Variants in GRAMD1B observed in about 807,000 individuals in gnomAD.
GRAMD1B encodes GRAM domain containing 1B.
In GRAMD1B, 37 loss-of-function variants were observed where a neutral mutation model predicts 99.7. That is an observed-to-expected ratio of 0.37 (90% confidence interval 0.29 to 0.49). The LOEUF is 0.49. Ranked by LOEUF, GRAMD1B falls within the 20% of genes least tolerant of loss-of-function variation. GRAMD1B has a pLI of 0.98. For synonymous variants in GRAMD1B, 427 were observed against 387.6 expected, an observed-to-expected ratio of 1.10 and a Z score of -1.19; for missense variants, 888 against 1,009.2, an observed-to-expected ratio of 0.88 and a Z score of 1.63.
chr11:123,444,583 G>A (rs935168259), intron 1 of GRAMD1B, among the ~76,000 whole-genome samples: 2 of 152,088 alleles, frequency 1.3e-5, no homozygotes, highest in Non-Finnish European at 2.9e-5. Context: ...TCCATGGCCC[G>A]AATTAGTTTT....
chr11:123,403,840 G>A (rs972386467), intron 1 of GRAMD1B, among the ~76,000 whole-genome samples: 4 of 152,026 alleles, frequency 2.6e-5, no homozygotes, highest in African/African-American at 4.8e-5. Flanking sequence ...CACCGCGCCC[G>A]GCCTGCTTGT....
At chr11:123,619,303 C>G in intron 19 of GRAMD1B, 79 bp downstream of exon 19, 1 of 1,536,130 alleles carries the variant, frequency 6.5e-7, no homozygotes, top group Non-Finnish European at 8.7e-7. Context: ...GAAAGATCCT[C>G]GTCTCTATCA....
chr11:123,545,147 G>A (rs541675680), intron 2 of GRAMD1B, among the ~76,000 whole-genome samples: 7 of 152,312 alleles, frequency 4.6e-5, no homozygotes, highest in Admixed American at 3.9e-4. Context: ...AGCCGCCCCG[G>A]TGCGAGAAAG....
chr11:123,384,652 A>G (rs1946997232), intron 1 of GRAMD1B, among the ~76,000 whole-genome samples: 1 of 152,228 alleles, frequency 6.6e-6, no homozygotes, highest in Non-Finnish European at 1.5e-5. Context: ...AGTGCTTGAT[A>G]TAAAGTGTTA....
intron 4 of GRAMD1B, among the ~76,000 whole-genome samples, chr11:123,592,159 CTG>C (rs1272312369): frequency 4.6e-5 from 7 of 152,288 alleles, no homozygotes; most frequent in Admixed American, 3.3e-4. Context: ...CAGGCTGACA[CTG>C]GAACTCTGTA....
chr11:123,445,388 C>T (rs1306761792), intron 1 of GRAMD1B, among the ~76,000 whole-genome samples: 1 of 152,152 alleles, frequency 6.6e-6, no homozygotes, highest in Non-Finnish European at 1.5e-5. Context: ...GGAATGGCAA[C>T]CGTAAAGGTC....
At chr11:123,549,820 C>A (rs1945438541) in intron 2 of GRAMD1B, among the ~76,000 whole-genome samples, 1 of 152,124 alleles carries the variant, frequency 6.6e-6, no homozygotes, top group East Asian at 1.9e-4. Context: ...TATATTGCAT[C>A]CCTAACCAGG....
At chr11:123,498,740 G>A (rs1383383288) in intron 2 of GRAMD1B, among the ~76,000 whole-genome samples, 2 of 152,076 alleles carry the variant, frequency 1.3e-5, no homozygotes, top group East Asian at 1.9e-4. Context: ...GCCTTTTAAC[G>A]TGGTTCAGAG....
rs553148740 is a variant in GRAMD1B, at chr11:123,626,347, T to A, written c.*3752T>A. 4.6e-5 allele frequency: 7 copies of A among 152,300 alleles called. No individual in the cohort carries two copies. In the East Asian group the frequency reaches 1.2e-3, roughly 25 times the overall value. 9.4% of individuals were successfully genotyped at this position (152,300 alleles called of 1,614,324 possible). A position where few individuals can be genotyped will look rare whatever the true frequency, so the allele number is the denominator to read the frequency against. ...CTCAAGAGGAATGCTTTGTGAGAAG[T>A]GGATTCTCTCCGTGTCCCTGCCCCC... On this transcript the variant is annotated 3_prime_UTR_variant, in exon 20 of 20. Transcript: ENST00000635736.
intron 2 of GRAMD1B, among the ~76,000 whole-genome samples, chr11:123,546,007 G>A (rs1945011252): frequency 6.6e-6 from 1 of 152,262 alleles, no homozygotes; most frequent in Admixed American, 6.5e-5. Context: ...TCCACCACCA[G>A]GCAATGTGGA....
chr11:123,374,449 A>C (rs1222106992), intron 1 of GRAMD1B, among the ~76,000 whole-genome samples: 1 of 152,222 alleles, frequency 6.6e-6, no homozygotes, highest in Non-Finnish European at 1.5e-5. Context: ...GGTATCATTA[A>C]GGTCCAGAGA....
intron 9 of GRAMD1B, among the ~76,000 whole-genome samples, chr11:123,604,278 A>G (rs1001350060): frequency 1.3e-5 from 2 of 152,182 alleles, no homozygotes; most frequent in South Asian, 2.1e-4. Flanking sequence ...GACTCGGTGA[A>G]CCTAAAAAGG....
intron 1 of GRAMD1B, among the ~76,000 whole-genome samples, chr11:123,474,377 T>A (rs1044722446): frequency 6.6e-6 from 1 of 152,248 alleles, no homozygotes; most frequent in African/African-American, 2.4e-5. Flanking sequence ...AATCTCCCCC[T>A]CTGCTAAGTG....
intron 2 of GRAMD1B, among the ~76,000 whole-genome samples, chr11:123,552,273 C>CTTTTTTTTTTTTT (rs71060514): frequency 1.7e-5 from 2 of 119,366 alleles, no homozygotes; most frequent in African/African-American, 3.2e-5. Context: ...CTCTTTCTTT[C>CTTTTTTTTTTTTT]TTTTTTTTTT....
At chr11:123,367,715 G>T (rs1946368750) in intron 1 of GRAMD1B, among the ~76,000 whole-genome samples, 1 of 151,438 alleles carries the variant, frequency 6.6e-6, no homozygotes, top group African/African-American at 2.4e-5. Context: ...TTTAGCAGGA[G>T]GGTAAGAAGA....
chr11:123,531,285 C>A (rs1055156468), intron 2 of GRAMD1B, among the ~76,000 whole-genome samples: 4 of 152,084 alleles, frequency 2.6e-5, no homozygotes, highest in African/African-American at 9.7e-5. Flanking sequence ...CAGCTCAGGG[C>A]GAGGACTGAA....
At chr11:123,489,130 T>C (rs1374047746) in intron 2 of GRAMD1B, among the ~76,000 whole-genome samples, 1 of 150,710 alleles carries the variant, frequency 6.6e-6, no homozygotes, top group Non-Finnish European at 1.5e-5. Flanking sequence ...AGATAAAGGG[T>C]CCTAGAAGAG....
At chr11:123,574,273 A>G (rs1948481356) in intron 2 of GRAMD1B, among the ~76,000 whole-genome samples, 1 of 152,156 alleles carries the variant, frequency 6.6e-6, no homozygotes, top group Non-Finnish European at 1.5e-5. Context: ...GAGAAAAAGC[A>G]TAGAGGTGTC....
At chr11:123,378,654 A>C (rs1379221058) in intron 1 of GRAMD1B, among the ~76,000 whole-genome samples, 2 of 152,158 alleles carry the variant, frequency 1.3e-5, no homozygotes, top group Non-Finnish European at 2.9e-5. Flanking sequence ...TTGAAAAACC[A>C]ATGAAGCAGG....
Sources: allele counts gnomAD v4.1 joint callset (sites outside exome capture counted in the v4.1 genomes callset), GRCh38; gene constraint gnomAD v4.1.1; transcripts MANE v1.5; gene names NCBI Gene and HGNC (gene_info 2026-07-23, HGNC 2026-07-21).